Variants in METTL25 observed in about 807,000 individuals in gnomAD.
METTL25 encodes the protein probable methyltransferase-like protein 25.
In METTL25, 64 loss-of-function variants were observed where a neutral mutation model predicts 71.6. That is an observed-to-expected ratio of 0.89 (90% confidence interval 0.73 to 1.10). The LOEUF is 1.10. Ranked by LOEUF, METTL25 falls within the 50% of genes least tolerant of loss-of-function variation. The pLI is 0.00. For synonymous variants in METTL25, 287 were observed against 250.3 expected (o/e 1.15, Z -1.38); for missense variants, 807 against 707.0 (o/e 1.14, Z -1.60).
At chr12:82,413,603 G>T (rs1742170551) in intron 5 of METTL25, among the ~76,000 whole-genome samples, 2 of 151,988 alleles carry the variant, frequency 1.3e-5, no homozygotes, top group African/African-American at 4.8e-5. Context: ...AGCTTTTGTG[G>T]ATCATCTGTA....
chr12:82,464,388 TTCTTGACA>T (rs1384732532), intron 9 of METTL25, among the ~76,000 whole-genome samples: 1 of 152,004 alleles, frequency 6.6e-6, no homozygotes, highest in Non-Finnish European at 1.5e-5. Context: ...CCAGTGTATA[TTCTTGACA>T]TCTTTATCAA....
At chr12:82,437,200 A>G (rs1889982588) in intron 7 of METTL25, among the ~76,000 whole-genome samples, 1 of 151,680 alleles carries the variant, frequency 6.6e-6, no homozygotes, top group Non-Finnish European at 1.5e-5. Context: ...AAGTGAAGGC[A>G]TTTGTGACAA....
chr12:82,361,900 G>A (rs1006656051), intron 1 of METTL25, among the ~76,000 whole-genome samples: 7 of 152,216 alleles, frequency 4.6e-5, no homozygotes, highest in East Asian at 3.9e-4. Flanking sequence ...CTCCTCAAGC[G>A]TGGCCAGAGT....
At chr12:82,450,601 T>C (rs1891069936) in intron 8 of METTL25, among the ~76,000 whole-genome samples, 1 of 152,174 alleles carries the variant, frequency 6.6e-6, no homozygotes, top group Non-Finnish European at 1.5e-5. Flanking sequence ...TTCCAGTGGC[T>C]TCTGTTTACC....
intron 8 of METTL25, among the ~76,000 whole-genome samples, chr12:82,444,135 A>G (rs1890569362): frequency 6.6e-6 from 1 of 152,172 alleles, no homozygotes; most frequent in Admixed American, 6.6e-5. Context: ...ACATATAATA[A>G]TCAAAATCTC....
chr12:82,456,763 T>G lies in METTL25; in HGVS notation c.1515T>G (p.Ser505=). ...TTGGTAAAATTTATTCCAAATGTTC[T>G]TCTTTTCTGGATTATGTCAGACGGT... The part of the protein sequence containing the change: ...RHVGKIYSKC[S]SFLDYVRRSL... Residue 505 remains serine, a synonymous_variant, in exon 9 of 12, where the codon TCT becomes TCG. Coordinates refer to ENST00000248306, the MANE Select transcript of METTL25 (RefSeq NM_032230.3). 1 of 1,604,654 alleles carries G rather than the reference T, an allele frequency of 6.2e-7. No homozygotes were observed. The highest frequency in any genetic ancestry group is 8.5e-7 in the Non-Finnish European group (1 of 1,175,030).
intron 9 of METTL25, among the ~76,000 whole-genome samples, chr12:82,469,648 T>A (rs1435722346): frequency 6.6e-6 from 1 of 151,850 alleles, no homozygotes; most frequent in African/African-American, 2.4e-5. Context: ...CCATATCACC[T>A]TCTAATTGGA....
At chr12:82,446,355 A>G (rs1318704180) in intron 8 of METTL25, among the ~76,000 whole-genome samples, 1 of 152,096 alleles carries the variant, frequency 6.6e-6, no homozygotes, top group Non-Finnish European at 1.5e-5. Context: ...ATTTCATCCA[A>G]TTGCTGCAGC....
At chr12:82,434,782 C>T (rs186696010) in intron 7 of METTL25, 58 bp downstream of exon 7, 2 of 1,369,212 alleles carry the variant, frequency 1.5e-6, no homozygotes, top group East Asian at 2.3e-5. Context: ...ACTCTTCATA[C>T]TTGACCTGCT....
intron 9 of METTL25, among the ~76,000 whole-genome samples, chr12:82,458,015 T>C (rs1891612950): frequency 1.3e-5 from 2 of 152,104 alleles, no homozygotes; most frequent in South Asian, 4.1e-4. Flanking sequence ...AACCTAAGCA[T>C]TATTGTCACA....
chr12:82,454,884 C>A (rs2137249067), intron 8 of METTL25, among the ~76,000 whole-genome samples: 1 of 151,964 alleles, frequency 6.6e-6, no homozygotes, highest in East Asian at 1.9e-4. Flanking sequence ...ATGAAAGTAA[C>A]AACAACAGCT....
At chr12:82,441,786 CAAA>C (rs201386289) in intron 8 of METTL25, among the ~76,000 whole-genome samples, 2 of 62,640 alleles carry the variant, frequency 3.2e-5, no homozygotes, top group Non-Finnish European at 3.3e-5. Context: ...CATACTATAG[CAAA>C]AAAAAAAAAA....
chr12:82,361,604 G>A (rs1029988117), intron 1 of METTL25, among the ~76,000 whole-genome samples: 4 of 152,160 alleles, frequency 2.6e-5, no homozygotes, highest in Non-Finnish European at 4.4e-5. Flanking sequence ...CAAGAGCAGC[G>A]CTGGTGGGCC....
Position 82,403,217 on chromosome 12 carries a change from C to T in METTL25, c.1279+87C>T, listed in dbSNP as rs575289339. 7.0e-5 allele frequency: 91 copies of T among 1,295,420 alleles called. No individual in the cohort carries two copies. The African/African-American group carries it at 1.2e-3, about 18-fold the overall frequency. 80.2% of individuals were successfully genotyped at this position (1,295,420 alleles called of 1,614,324 possible). A position where few individuals can be genotyped will look rare whatever the true frequency, so the allele number is the denominator to read the frequency against. On this transcript the variant is annotated intron_variant, in intron 5 of 11. Transcript: ENST00000248306. ...TATTTTCTATTTCTCCCCGTTTTTT[C>T]GTCATTACCATGATTTGGATCAGCA...
chr12:82,389,923 G>A lies in METTL25; in HGVS notation c.531+1G>A, dbSNP rs771477466. The A allele has an allele frequency of 4.7e-6, 7 of 1,489,620 alleles. No homozygotes were observed. The highest frequency in any genetic ancestry group is 6.5e-6 in the Non-Finnish European group (7 of 1,072,124). 92.3% of individuals were successfully genotyped at this position (1,489,620 alleles called of 1,614,324 possible). ...TGCTGACTACTATGGAATAAAGCAG[G>A]TAAGAGTATTTCCGTATGTTTTTAG... is the stretch of plus-strand genomic sequence containing the variant. On this transcript the variant is annotated splice_donor_variant, in intron 3 of 11. Coordinates refer to ENST00000248306, the MANE Select transcript of METTL25 (RefSeq NM_032230.3). LOFTEE classifies it high-confidence loss of function.
chr12:82,451,005 G>C (rs982545721), intron 8 of METTL25, among the ~76,000 whole-genome samples: 2 of 151,926 alleles, frequency 1.3e-5, no homozygotes. Context: ...TTATTTATTT[G>C]TGTTGTTGAT....
At chr12:82,454,238 C>T (rs138020017) in intron 8 of METTL25, among the ~76,000 whole-genome samples, 21 of 152,184 alleles carry the variant, frequency 1.4e-4, no homozygotes, top group African/African-American at 4.1e-4. Context: ...AGGAGCCCAA[C>T]TTCTGGAGGG....
chr12:82,390,168 T>G (rs1358390671), intron 3 of METTL25, among the ~76,000 whole-genome samples: 1 of 152,100 alleles, frequency 6.6e-6, no homozygotes, highest in African/African-American at 2.4e-5. Flanking sequence ...CACATTTCAT[T>G]CTTTTCAGAG....
chr12:82,434,688 C>CTT lies in METTL25; in HGVS notation c.1375-5_1375-4dup. The CTT allele has an allele frequency of 6.2e-7, 1 of 1,608,500 alleles. No individual in the cohort carries two copies. Among genetic ancestry groups the CTT allele is most frequent in the South Asian group, 1.1e-5 (1 of 90,924 alleles). On this transcript the variant is annotated splice_polypyrimidine_tract_variant and splice_region_variant and intron_variant, in intron 6 of 11. Coordinates refer to ENST00000248306, the MANE Select transcript of METTL25 (RefSeq NM_032230.3). ...TCAACAATCTGTCTTGTTTTTTTCCCTTTAAGGCATTGGAGCGGGTTGCAG... is the reference window on the plus strand; with the variant it reads ...TCAACAATCTGTCTTGTTTTTTTCCCTTTTTAAGGCATTGGAGCGGGTTGCAG...
Sources: gnomAD v4.1 joint callset for allele counts (sites outside exome capture counted in the v4.1 genomes callset) on GRCh38, gnomAD v4.1.1 for gene constraint, MANE v1.5 for transcripts, NCBI Gene and HGNC (gene_info 2026-07-23, HGNC 2026-07-21) for gene names.